The following CTNNA1 variants were observed in gnomAD, a reference collection of about 807,000 sequenced individuals.
The protein encoded by CTNNA1 is catenin alpha-1.
Under a neutral mutation model 98.4 loss-of-function variants are expected in CTNNA1, and 37 were observed. That is an observed-to-expected ratio of 0.38 (90% CI 0.29 to 0.49). The LOEUF (loss-of-function observed/expected upper bound fraction) is 0.49. Ranked by LOEUF, CTNNA1 falls within the 20% of genes least tolerant of loss-of-function variation. The pLI, the probability that CTNNA1 is intolerant of heterozygous loss-of-function variation, is 0.95. For synonymous variants in CTNNA1, 404 were observed against 413.2 expected (o/e 0.98, Z 0.27); for missense variants, 761 against 1,147.2 (o/e 0.66, Z 4.86).
intron 7 of CTNNA1, among the ~76,000 whole-genome samples, chr5:138,852,177 C>T (rs374745649): frequency 2.6e-5 from 4 of 152,308 alleles, no homozygotes; most frequent in African/African-American, 7.2e-5. Flanking sequence ...ATGGGCCTGG[C>T]GTTAACCCTT....
chr5:138,902,244 T>A (rs1164450181), intron 9 of CTNNA1, among the ~76,000 whole-genome samples: 1 of 152,228 alleles, frequency 6.6e-6, no homozygotes, highest in East Asian at 1.9e-4. Context: ...GCTTCTTTTT[T>A]AAAAATCTTT....
In CTNNA1 at chr5:138,768,640, A is replaced by G. The variant is rs181420350; in HGVS notation, c.-2-13283A>G. Among the ~76,000 whole-genome samples the G allele has an allele frequency of 1.9e-3, 272 of 144,360 alleles. 1 individual carries two copies. Among genetic ancestry groups the G allele is most frequent in the African/African-American group, 6.6e-3 (254 of 38,642 alleles). The allele number at this position is 144,360 out of a possible 152,430, so 94.7% of individuals were successfully genotyped here. The stretch of plus-strand genomic sequence containing the variant: ...AGTGCAGTGGCTGTTTGCAGGCACA[A>G]TCACGGCATGCTAAACTCCTGAACT... On this transcript the variant is annotated intron_variant, in intron 1 of 17. Transcript: ENST00000302763.
chr5:138,891,615 C>A (rs1191024303), intron 9 of CTNNA1, among the ~76,000 whole-genome samples: 3 of 152,098 alleles, frequency 2.0e-5, no homozygotes, highest in Non-Finnish European at 4.4e-5. Context: ...CAAAAATTAG[C>A]CGGGCATGGT....
chr5:138,923,985 G>T (rs1471983103), intron 11 of CTNNA1, among the ~76,000 whole-genome samples: 2 of 152,154 alleles, frequency 1.3e-5, no homozygotes, highest in Non-Finnish European at 2.9e-5. Flanking sequence ...ACACCTCAGG[G>T]TCCTCTAGAG....
At chr5:138,875,390 G>C in intron 7 of CTNNA1, 1 of 985,968 alleles carries the variant, frequency 1.0e-6, no homozygotes, top group Non-Finnish European at 1.2e-6. Context: ...GACGTCACCG[G>C]ATGACGTGTC....
intron 9 of CTNNA1, among the ~76,000 whole-genome samples, chr5:138,897,018 A>G (rs1756963336): frequency 6.6e-6 from 1 of 152,144 alleles, no homozygotes; most frequent in African/African-American, 2.4e-5. Context: ...AGAGAGTGGC[A>G]TAGGGAAAAT....
At chr5:138,777,338 A>G (rs1402503944) in intron 1 of CTNNA1, among the ~76,000 whole-genome samples, 1 of 134,738 alleles carries the variant, frequency 7.4e-6, no homozygotes, top group Admixed American at 7.4e-5. Flanking sequence ...CCTAGATGGG[A>G]TGGCGGCCGG....
intron 1 of CTNNA1, among the ~76,000 whole-genome samples, chr5:138,764,906 C>T (rs73267547): frequency 0.014 from 1,634 of 114,690 alleles, 40 homozygotes; most frequent in African/African-American, 0.045. Context: ...CTCGCCCTGT[C>T]GCCCATGCTG....
At chr5:138,774,913 C>T (rs905854544) in intron 1 of CTNNA1, among the ~76,000 whole-genome samples, 2 of 152,142 alleles carry the variant, frequency 1.3e-5, no homozygotes, top group Admixed American at 6.5e-5. Context: ...CCGTCCTGTG[C>T]CACCTTTTTT....
intron 6 of CTNNA1, among the ~76,000 whole-genome samples, chr5:138,826,418 C>T (rs1245548369): frequency 6.6e-6 from 1 of 152,098 alleles, no homozygotes; most frequent in Non-Finnish European, 1.5e-5. Flanking sequence ...TGGAGGGAGG[C>T]CAGTAGCTGC....
At chr5:138,786,046 A>C (rs999282197) in intron 3 of CTNNA1, among the ~76,000 whole-genome samples, 1 of 152,186 alleles carries the variant, frequency 6.6e-6, no homozygotes. Flanking sequence ...TTTTGAATGC[A>C]TATCTGAATT....
At chr5:138,824,038 CTG>C in intron 5 of CTNNA1, among the ~76,000 whole-genome samples, 1 of 148,856 alleles carries the variant, frequency 6.7e-6, no homozygotes, top group South Asian at 2.1e-4. Context: ...CTCTGTTTGA[CTG>C]TATCTCTTCA....
chr5:138,867,243 A>G (rs1221329915), intron 7 of CTNNA1, among the ~76,000 whole-genome samples: 2 of 152,146 alleles, frequency 1.3e-5, no homozygotes, highest in Non-Finnish European at 1.5e-5. Context: ...TACTGCTGAT[A>G]TTCCTGGTGT....
intron 3 of CTNNA1, among the ~76,000 whole-genome samples, chr5:138,795,226 C>T (rs1756823135): frequency 6.7e-6 from 1 of 149,268 alleles, no homozygotes; most frequent in Admixed American, 6.7e-5. Flanking sequence ...CTTTGGGAGG[C>T]CGAGGTGGGT....
chr5:138,786,677 A>C (rs1301583184), intron 3 of CTNNA1, among the ~76,000 whole-genome samples: 2 of 152,192 alleles, frequency 1.3e-5, no homozygotes, highest in Admixed American at 1.3e-4. Flanking sequence ...GAGTGCACTC[A>C]GGAGGTCCTG....
intron 1 of CTNNA1, among the ~76,000 whole-genome samples, chr5:138,778,756 C>T (rs1754696824): frequency 6.6e-6 from 1 of 152,170 alleles, no homozygotes; most frequent in African/African-American, 2.4e-5. Context: ...ACTTTTCCTT[C>T]TTTATTCATA....
intron 7 of CTNNA1, among the ~76,000 whole-genome samples, chr5:138,859,653 G>T (rs544724186): frequency 6.6e-6 from 1 of 152,348 alleles, no homozygotes; most frequent in East Asian, 1.9e-4. Context: ...GCTCAGAGCA[G>T]TGGCTCACGC....
Position 138,932,624 on chromosome 5 carries a change from G to A in CTNNA1, c.2345G>A (p.Arg782His), listed in dbSNP as rs1274345685. 2.5e-6 allele frequency: 4 copies of A among 1,614,162 alleles called. No individual in the cohort carries two copies. The highest frequency in any genetic ancestry group is 1.1e-5 in the South Asian group (1 of 91,070). The change falls in exon 17 of 18, where the codon CGC becomes CAC. Residue 782 changes from arginine to histidine, a missense_variant. By Grantham distance (29) the Arg-to-His change is conservative. This residue lies in a region of CTNNA1 where 77 missense variants were observed against 198.8 expected (regional missense o/e 0.39). Coordinates refer to ENST00000302763, the MANE Select transcript of CTNNA1 (RefSeq NM_001903.5). Reference sequence around the variant, plus strand: ...CAGGACCTGCTGGCCTACCTGCAACGCATCGCCCTCTACTGCCACCAGCTG... The same window carrying A: ...CAGGACCTGCTGGCCTACCTGCAACACATCGCCCTCTACTGCCACCAGCTG... ...CKQDLLAYLQ[R>H]IALYCHQLNI...
At chr5:138,858,484 A>G (rs1011348975) in intron 7 of CTNNA1, among the ~76,000 whole-genome samples, 3 of 151,890 alleles carry the variant, frequency 2.0e-5, no homozygotes, top group Admixed American at 2.0e-4. Flanking sequence ...TAAGTGTGCT[A>G]TTGGTGAATT....
Sources: allele counts gnomAD v4.1 joint callset (sites outside exome capture counted in the v4.1 genomes callset), GRCh38; gene constraint gnomAD v4.1.1; regional missense constraint gnomAD v4.1.1; transcripts MANE v1.5; gene names NCBI Gene and HGNC (gene_info 2026-07-23, HGNC 2026-07-21).